Variants in RASGEF1C observed in about 807,000 individuals in gnomAD.
RASGEF1C encodes ras-GEF domain-containing family member 1C.
In RASGEF1C, 27 loss-of-function variants were observed where a neutral mutation model predicts 58.1. The observed-to-expected ratio is 0.46, with a 90% CI of 0.34 to 0.64. The LOEUF (loss-of-function observed/expected upper bound fraction) is 0.64, where lower values mean the gene tolerates loss of function less well. Ranked by LOEUF, RASGEF1C falls within the 30% of genes least tolerant of loss-of-function variation. The pLI, the probability that RASGEF1C is intolerant of heterozygous loss-of-function variation, is 0.01. For missense variants in RASGEF1C, 502 were observed against 605.1 expected (o/e 0.83, Z 1.79); for synonymous variants, 243 against 246.3 (o/e 0.99, Z 0.13).
chr5:180,114,636 G>C (rs1369614935), intron 10 of RASGEF1C, 95 bp from the exon 11 acceptor site: 2 of 1,239,028 alleles, frequency 1.6e-6, no homozygotes, highest in Non-Finnish European at 2.3e-6. Context: ...GCTGCCCCAG[G>C]GACCTCAGAC....
At chr5:180,113,799 C>A (rs987866383) in intron 11 of RASGEF1C, among the ~76,000 whole-genome samples, 1 of 147,398 alleles carries the variant, frequency 6.8e-6, no homozygotes, top group Admixed American at 6.7e-5. Context: ...GATGGAGGGA[C>A]CGAGGATGGA....
At chr5:180,186,975 C>CA (rs910311789) in intron 1 of RASGEF1C, among the ~76,000 whole-genome samples, 3 of 151,522 alleles carry the variant, frequency 2.0e-5, no homozygotes, top group East Asian at 1.9e-4. Context: ...ACAAACAAAA[C>CA]AAAAAAACCA....
At chr5:180,204,994 G>T (rs1756464452) in intron 1 of RASGEF1C, among the ~76,000 whole-genome samples, 1 of 152,090 alleles carries the variant, frequency 6.6e-6, no homozygotes, top group Non-Finnish European at 1.5e-5. Flanking sequence ...TTCGAGATCA[G>T]CCTGGCCAAG....
rs760031898 is a variant in RASGEF1C at position 180,118,641 on chromosome 5, G to A, written c.1051C>T (p.Arg351Cys). Residue 351 changes from arginine (R) to cysteine (C), a missense_variant, in exon 10 of 14, where the codon CGC (arginine) becomes TGC (cysteine). Coordinates refer to ENST00000361132, the MANE Select transcript of RASGEF1C (RefSeq NM_175062.4). The part of the protein sequence containing the change: ...YRTALRGAAH[R>C]SLTAHSSREK... ...CGGCTGCTGTGGGCCGTCAGGGAGC[G>A]GTGGGCCGCCCCGCGCAGGGCTGTC... is the stretch of plus-strand genomic sequence containing the variant. 7.4e-6 allele frequency: 12 copies of A among 1,613,474 alleles called. No individual in the cohort carries two copies. The highest frequency in any genetic ancestry group is 2.2e-5 in the East Asian group (1 of 44,896).
At chr5:180,179,030 T>C (rs1030424354) in intron 1 of RASGEF1C, among the ~76,000 whole-genome samples, 8 of 151,278 alleles carry the variant, frequency 5.3e-5, no homozygotes, top group African/African-American at 1.9e-4. Context: ...AGGAGGCGGG[T>C]TTATGACCAT....
intron 8 of RASGEF1C, 43 bp from the exon 9 acceptor site, chr5:180,118,909 G>A (rs1766119626): frequency 1.3e-6 from 2 of 1,575,680 alleles, no homozygotes; most frequent in Non-Finnish European, 1.7e-6. Flanking sequence ...TCCTGGGACA[G>A]GGGGGCCTCT....
intron 1 of RASGEF1C, among the ~76,000 whole-genome samples, chr5:180,153,099 A>C (rs1446042677): frequency 6.6e-6 from 1 of 152,058 alleles, no homozygotes; most frequent in East Asian, 1.9e-4. Flanking sequence ...CTGGCTCCCA[A>C]ATGGGGAAAA....
intron 1 of RASGEF1C, among the ~76,000 whole-genome samples, chr5:180,178,911 G>A (rs1767275856): frequency 6.6e-6 from 1 of 152,166 alleles, no homozygotes; most frequent in Admixed American, 6.5e-5. Context: ...TCTTGGGGGG[G>A]GAGGGGCGCA....
At chr5:180,192,951 G>A (rs60665497) in intron 1 of RASGEF1C, among the ~76,000 whole-genome samples, 90,489 of 150,940 alleles carry the variant, frequency 0.6, 28,530 homozygotes, top group East Asian at 0.87. Context: ...TCACCATGTC[G>A]GCCAGGCTGG....
At chr5:180,134,071 G>A (rs1766424139) in intron 4 of RASGEF1C, among the ~76,000 whole-genome samples, 1 of 152,180 alleles carries the variant, frequency 6.6e-6, no homozygotes, top group African/African-American at 2.4e-5. Flanking sequence ...CTGGGTCCCA[G>A]GCCCTGCCTC....
At chr5:180,161,765 T>C (rs1561747321) in intron 1 of RASGEF1C, among the ~76,000 whole-genome samples, 1 of 152,332 alleles carries the variant, frequency 6.6e-6, no homozygotes, top group Non-Finnish European at 1.5e-5. Context: ...CCCGCCCCCA[T>C]TCAGCTCGCC....
chr5:180,207,301 G>C (rs142444466), intron 1 of RASGEF1C, among the ~76,000 whole-genome samples: 2 of 152,360 alleles, frequency 1.3e-5, no homozygotes, highest in African/African-American at 4.8e-5. Flanking sequence ...CACTGCAGGA[G>C]AAAGGGAAAG....
rs182621331 is a variant in RASGEF1C at position 180,178,525 on chromosome 5, C to T, written c.-7+30503G>A. On this transcript the variant is annotated intron_variant, in intron 1 of 13. Coordinates refer to ENST00000361132, the MANE Select transcript of RASGEF1C (RefSeq NM_175062.4). ...GAACTCCTGACTTCAAGTGATCTGC[C>T]CGCCTCAGCCCCCCAAAGTGCTGGG... Among the ~76,000 whole-genome samples, 13 of 149,234 alleles carry T rather than the reference C, an allele frequency of 8.7e-5. No homozygotes were observed. The East Asian group carries it at 2.2e-3, about 25-fold the overall frequency.
intron 6 of RASGEF1C, among the ~76,000 whole-genome samples, chr5:180,121,465 C>T (rs1222696161): frequency 6.6e-6 from 1 of 152,118 alleles, no homozygotes; most frequent in East Asian, 1.9e-4. Context: ...AGGCGCCCGC[C>T]ACCACGCCCA....
intron 4 of RASGEF1C, chr5:180,135,408 T>C (rs1360650127): frequency 6.6e-6 from 1 of 152,246 alleles, no homozygotes; most frequent in East Asian, 1.9e-4. Flanking sequence ...AGACCTACTC[T>C]GCGGCATGTC....
chr5:180,143,035 C>T lies in RASGEF1C; in HGVS notation c.-6-4977G>A, dbSNP rs1266403214. Among the ~76,000 whole-genome samples the T allele has an allele frequency of 2.0e-5, 3 of 152,164 alleles. No individual in the cohort carries two copies. The highest frequency in any genetic ancestry group is 7.2e-5 in the African/African-American group (3 of 41,444). ...TCCTGTCCCACTGCCTGGCCCCCAG[C>T]CCCTCAGGCATCTCTCCTTGTGTGT... is the stretch of plus-strand genomic sequence containing the variant. On this transcript the variant is annotated intron_variant, in intron 1 of 13. Transcript: ENST00000361132. The surrounding 1 kb of genome is among the most constrained non-coding windows in gnomAD (Gnocchi z 4.3).
intron 1 of RASGEF1C, among the ~76,000 whole-genome samples, chr5:180,190,278 G>C (rs936373066): frequency 1.3e-4 from 20 of 151,852 alleles, no homozygotes; most frequent in Non-Finnish European, 2.9e-5. Context: ...ACGAGGTTAG[G>C]AGATCGAGAC....
At chr5:180,140,263 A>G (rs555430268) in intron 1 of RASGEF1C, among the ~76,000 whole-genome samples, 24 of 152,284 alleles carry the variant, frequency 1.6e-4, no homozygotes, top group Non-Finnish European at 3.1e-4. Context: ...CCGACCTCCA[A>G]TCACCCATCG....
chr5:180,139,432 T>C (rs11743545), intron 1 of RASGEF1C, among the ~76,000 whole-genome samples: 51,965 of 151,848 alleles, frequency 0.34, 10,725 homozygotes, highest in East Asian at 0.47. Context: ...GCCCTGGGAG[T>C]AGAGACAGAG....
Sources: gnomAD v4.1 joint callset for allele counts (sites outside exome capture counted in the v4.1 genomes callset) on GRCh38, gnomAD v4.1.1 for gene constraint, Gnocchi (gnomAD v3.1) non-coding constraint, MANE v1.5 for transcripts, NCBI Gene and HGNC (gene_info 2026-07-23, HGNC 2026-07-21) for gene names.